Variants in FGF13 observed in about 807,000 individuals in gnomAD.
FGF13 encodes fibroblast growth factor 13, also known as fibroblast growth factor homologous factor 2.
In FGF13, 2 loss-of-function variants were observed where a neutral mutation model predicts 19.5. The ratio of observed to expected loss-of-function variants is 0.10; its 90% CI spans 0.04 to 0.32. The LOEUF is 0.32. Among genes scored for constraint, FGF13 ranks in the 10% least tolerant of loss-of-function variants. FGF13 has a pLI of 1.00. For missense variants in FGF13, 113 were observed against 192.7 expected (o/e 0.59, Z 2.45); for synonymous variants, 72 against 76.9 (o/e 0.94, Z 0.33).
upstream of FGF13, chrX:138,714,847 T>C (rs780788156): frequency 8.0e-5 from 9 of 111,873 alleles, no homozygotes; most frequent in Non-Finnish European, 1.3e-4. Context: ...TAGAGAAGCA[T>C]ATTTTGCTTG....
intron 1 of FGF13, among the ~76,000 whole-genome samples, chrX:138,983,452 A>T (rs1206911679): frequency 2.5e-5 from 2 of 81,143 alleles, no homozygotes; most frequent in Admixed American, 2.8e-4. Flanking sequence ...TTCTGGGGAA[A>T]TGTAAATCAA....
intron 1 of FGF13, among the ~76,000 whole-genome samples, chrX:139,022,467 C>T (rs1194061634): frequency 9.0e-6 from 1 of 111,347 alleles, no homozygotes; most frequent in African/African-American, 3.3e-5. Flanking sequence ...TTTTTTCTTC[C>T]GTTGGCTTCC....
chrX:138,878,549 C>T (rs1364087415), intron 1 of FGF13, among the ~76,000 whole-genome samples: 3 of 107,565 alleles, frequency 2.8e-5, no homozygotes, highest in Non-Finnish European at 5.7e-5. Context: ...TCCAGTCTAT[C>T]GTTGTTGGAC....
In FGF13 at chrX:138,627,322, T is replaced by G. The variant is rs2089071801; in HGVS notation, c.*5528A>C. On this transcript the variant is annotated 3_prime_UTR_variant, in exon 5 of 5. Coordinates refer to ENST00000315930, the MANE Select transcript of FGF13 (RefSeq NM_004114.5). ...TCCCATACGTTTCTCTTACTCTAAT[T>G]GCTAACTTTACACAGCATTAAAAAC... The G allele has an allele frequency of 8.9e-6, 1 of 111,872 alleles. No homozygotes were observed. The highest frequency in any genetic ancestry group is 3.2e-5 in the African/African-American group (1 of 30,775). 9.2% of individuals were successfully genotyped at this position (111,872 alleles called of 1,213,427 possible).
At chrX:138,702,147 C>T (rs892477593) in intron 3 of FGF13, among the ~76,000 whole-genome samples, 2 of 109,770 alleles carry the variant, frequency 1.8e-5, no homozygotes, top group African/African-American at 6.6e-5. Context: ...CCACGGCACT[C>T]CAGCCTGGGC....
chrX:139,028,582 C>CGT (rs1203709668), intron 1 of FGF13, among the ~76,000 whole-genome samples: 2,290 of 61,509 alleles, frequency 0.037, 54 homozygotes, highest in African/African-American at 0.063. Context: ...GGAGAGAGAG[C>CGT]GTGTGTGTGT....
intron 3 of FGF13, among the ~76,000 whole-genome samples, chrX:138,848,586 T>C (rs1165647725): frequency 8.9e-6 from 1 of 112,174 alleles, no homozygotes; most frequent in African/African-American, 3.2e-5. Context: ...GAATGAAATG[T>C]TTTATCCATA....
intron 1 of FGF13, among the ~76,000 whole-genome samples, chrX:138,905,035 G>A (rs942761762): frequency 2.7e-5 from 3 of 111,591 alleles, no homozygotes; most frequent in Admixed American, 1.9e-4. Flanking sequence ...CAAACCTGAC[G>A]GAAAGAAAGA....
chrX:139,147,339 A>C (rs977689791), intron 1 of FGF13, among the ~76,000 whole-genome samples: 1 of 110,573 alleles, frequency 9.0e-6, no homozygotes, highest in Non-Finnish European at 1.9e-5. Context: ...CACCACACAC[A>C]TCTGCAGGGA....
At chrX:138,890,756 G>A (rs1031912238) in intron 1 of FGF13, among the ~76,000 whole-genome samples, 1 of 111,615 alleles carries the variant, frequency 9.0e-6, no homozygotes, top group Non-Finnish European at 1.9e-5. Context: ...CTAAGGTTCA[G>A]CAGCCCCTCA....
At chrX:138,945,308 G>C in intron 1 of FGF13, among the ~76,000 whole-genome samples, 1 of 111,151 alleles carries the variant, frequency 9.0e-6, no homozygotes, top group South Asian at 3.9e-4. Context: ...CTAAACGCAT[G>C]GGAAATCATT....
At chrX:139,090,286 T>C (rs2083431226) in intron 1 of FGF13, among the ~76,000 whole-genome samples, 1 of 111,531 alleles carries the variant, frequency 9.0e-6, no homozygotes, top group Admixed American at 9.5e-5. Context: ...CACACACCAC[T>C]AGTAAATCAC....
At chrX:138,951,386 TA>T (rs2091810514) in intron 1 of FGF13, among the ~76,000 whole-genome samples, 1 of 111,645 alleles carries the variant, frequency 9.0e-6, no homozygotes, top group South Asian at 3.7e-4. Flanking sequence ...GGATATAGTA[TA>T]AACAATAAAA....
chrX:138,968,012 C>T (rs992626798), intron 1 of FGF13, among the ~76,000 whole-genome samples: 2 of 111,447 alleles, frequency 1.8e-5, no homozygotes, highest in African/African-American at 6.5e-5. Flanking sequence ...CCTAATTCGG[C>T]CAGCTACTAG....
rs1370940422 is a variant in FGF13 at position 138,640,342 on chromosome X, T to C, written c.403-4687A>G. Among the ~76,000 whole-genome samples the C allele has an allele frequency of 3.6e-5, 4 of 112,264 alleles. No individual in the cohort carries two copies. In the East Asian group the frequency reaches 1.1e-3, roughly 32 times the overall value. The stretch of plus-strand genomic sequence containing the variant: ...GAATGCATTAGTGCAACCAGTTATG[T>C]TGAATATATGGAAATAACCGCAAGA... On this transcript the variant is annotated intron_variant, in intron 3 of 4. Coordinates refer to ENST00000315930, the MANE Select transcript of FGF13 (RefSeq NM_004114.5).
At chrX:138,697,811 T>C (rs776982898) in intron 3 of FGF13, among the ~76,000 whole-genome samples, 32 of 111,289 alleles carry the variant, frequency 2.9e-4, no homozygotes, top group Non-Finnish European at 5.3e-4. Flanking sequence ...AGAACGGGAA[T>C]TTTTTTTATA....
rs774344806 is a variant in FGF13, at chrX:138,916,198, T to TC, written c.-112-51549dup. Among the ~76,000 whole-genome samples, 13 of 111,671 alleles carry TC rather than the reference T, an allele frequency of 1.2e-4. 1 individual carries two copies. The East Asian group carries it at 3.7e-3, about 32-fold the overall frequency. On this transcript the variant is annotated intron_variant, in intron 1 of 2. Coordinates refer to the FGF13 transcript ENST00000421460. ...AGGAGATGACTTGAAAATCTCACTC[T>TC]CCAAGTCTAGGATAGCAAACTCCTG...
At chrX:138,690,232 C>A (rs761411150) in intron 3 of FGF13, among the ~76,000 whole-genome samples, 35 of 111,272 alleles carry the variant, frequency 3.1e-4, no homozygotes, top group Non-Finnish European at 6.4e-4. Context: ...TCATGAAAGT[C>A]AATAGTAGAA....
At chrX:138,961,385 T>A (rs1405214414) in intron 1 of FGF13, among the ~76,000 whole-genome samples, 2 of 111,087 alleles carry the variant, frequency 1.8e-5, no homozygotes, top group African/African-American at 6.6e-5. Flanking sequence ...CTTCCTCTGG[T>A]AGCTTTGTCT....
Sources: allele counts gnomAD v4.1 joint callset (sites outside exome capture counted in the v4.1 genomes callset), GRCh38; gene constraint gnomAD v4.1.1; transcripts MANE v1.5; gene names NCBI Gene and HGNC (gene_info 2026-07-23, HGNC 2026-07-21).